NWD2: variants seen among roughly 807,000 people sequenced by gnomAD.
NWD2 encodes the protein NACHT and WD repeat domain-containing protein 2.
In NWD2, 37 loss-of-function variants were observed where a neutral mutation model predicts 132.7. The ratio of observed to expected loss-of-function variants is 0.28; its 90% CI spans 0.21 to 0.37. The LOEUF (loss-of-function observed/expected upper bound fraction) is 0.37, where lower values mean the gene tolerates loss of function less well. NWD2 is among the 10% of genes least tolerant of loss of function. NWD2 has a pLI of 1.00. For missense variants in NWD2, 1,592 were observed against 2,122.4 expected (o/e 0.75, Z 4.91); for synonymous variants, 705 against 803.0 (o/e 0.88, Z 2.06).
At chr4:37,420,787 G>A (rs1312454960) in intron 3 of NWD2, among the ~76,000 whole-genome samples, 1 of 152,150 alleles carries the variant, frequency 6.6e-6, no homozygotes, top group Non-Finnish European at 1.5e-5. Flanking sequence ...TGGGGCAGGG[G>A]CGGTTCCTGG....
intron 3 of NWD2, among the ~76,000 whole-genome samples, chr4:37,358,965 G>T (rs1429377920): frequency 6.6e-6 from 1 of 152,094 alleles, no homozygotes; most frequent in Non-Finnish European, 1.5e-5. Context: ...GCCAGATTTG[G>T]GAAGCATAAC....
rs1193727026 is a variant in NWD2, at chr4:37,446,847, C to G, written c.4859C>G (p.Thr1620Ser). ...GCTTGTTCCCTTTACAAAACACCAA[C>G]TTTCCTTGCACTCTCCCAGAGGCAC... is the stretch of plus-strand genomic sequence containing the variant. ...IGACSLYKTP[T>S]FLALSQRHLN... Residue 1620 changes from threonine to serine, a missense_variant, in exon 7 of 7, where the codon ACT becomes AGT. Coordinates refer to ENST00000309447, the MANE Select transcript of NWD2 (RefSeq NM_001144990.2). This position sits in a 1 kb window ranked among gnomAD's most constrained non-coding sequence, Gnocchi z 6.7. 7.1e-6 allele frequency: 11 copies of G among 1,551,736 alleles called. No individual in the cohort carries two copies. The highest frequency in any genetic ancestry group is 9.6e-6 in the Non-Finnish European group (11 of 1,147,044).
intron 3 of NWD2, among the ~76,000 whole-genome samples, chr4:37,390,802 A>G (rs1720666898): frequency 6.6e-6 from 1 of 152,170 alleles, no homozygotes; most frequent in Non-Finnish European, 1.5e-5. Context: ...ACCTTGACAG[A>G]TATTTTGGAG....
rs578259512 is a variant in NWD2, at chr4:37,308,810, C to T, written c.152-17126C>T. On this transcript the variant is annotated intron_variant, in intron 1 of 6. Coordinates refer to ENST00000309447, the MANE Select transcript of NWD2 (RefSeq NM_001144990.2). ...GGCAAAGTCAAAGGCAATGGAAGGC[C>T]CCAGCAAGCTGGTACTCAGGCTTCT... Among the ~76,000 whole-genome samples the T allele has an allele frequency of 3.3e-5, 5 of 152,112 alleles. No individual in the cohort carries two copies. The South Asian group carries it at 1.0e-3, about 32-fold the overall frequency.
chr4:37,339,976 G>T (rs763689549), intron 2 of NWD2, among the ~76,000 whole-genome samples: 2 of 147,360 alleles, frequency 1.4e-5, no homozygotes, highest in Non-Finnish European at 3.0e-5. Context: ...TTTCACTGAA[G>T]ATAATGGCCA....
intron 2 of NWD2, among the ~76,000 whole-genome samples, chr4:37,350,581 G>C (rs1719739907): frequency 6.6e-6 from 1 of 152,116 alleles, no homozygotes; most frequent in Non-Finnish European, 1.5e-5. Context: ...AGGAGTTTTT[G>C]GGCTGAGATG....
intron 2 of NWD2, among the ~76,000 whole-genome samples, chr4:37,332,043 C>T (rs1719303855): frequency 6.6e-6 from 1 of 152,174 alleles, no homozygotes; most frequent in African/African-American, 2.4e-5. Context: ...TGAGTTTCAG[C>T]AAGCCGTGCC....
At chr4:37,281,302 G>A (rs192046909) in intron 1 of NWD2, among the ~76,000 whole-genome samples, 184 of 152,194 alleles carry the variant, frequency 1.2e-3, no homozygotes, top group African/African-American at 4.2e-3. Context: ...TTTGAACCAC[G>A]CAAAGTGTTC....
chr4:37,416,223 A>G (rs1221942729), intron 3 of NWD2, among the ~76,000 whole-genome samples: 3 of 152,258 alleles, frequency 2.0e-5, no homozygotes, highest in Admixed American at 6.5e-5. Flanking sequence ...TGTGAGAACT[A>G]GGATCCACAG....
At position 37,335,101 on chromosome 4, in the gene NWD2, G is replaced by C. The variant is rs560490815; in HGVS notation, c.240+9077G>C. Reference sequence around the variant, plus strand: ...ATTTTTAAACACCAATCTGACCCTTGTCCACAAGATACAGTCTATGCTTCT... The same window carrying C: ...ATTTTTAAACACCAATCTGACCCTTCTCCACAAGATACAGTCTATGCTTCT... On this transcript the variant is annotated intron_variant, in intron 2 of 6. Transcript: ENST00000309447. Among the ~76,000 whole-genome samples, 5 of 152,068 alleles carry C rather than the reference G, an allele frequency of 3.3e-5. No homozygotes were observed. The South Asian group carries it at 1.0e-3, about 32-fold the overall frequency.
intron 3 of NWD2, among the ~76,000 whole-genome samples, chr4:37,385,785 TAGA>T (rs1720551292): frequency 6.6e-6 from 1 of 152,174 alleles, no homozygotes; most frequent in Non-Finnish European, 1.5e-5. Flanking sequence ...AATAGTATGA[TAGA>T]AATTAACTGG....
In NWD2 at chr4:37,346,536, A is replaced by C. The variant is rs142256271; in HGVS notation, c.241-9830A>C. On this transcript the variant is annotated intron_variant, in intron 2 of 6. Transcript: ENST00000309447. The stretch of plus-strand genomic sequence containing the variant: ...ATATGAACTTTAGGATTAGCTTGTC[A>C]ATTTCTGCAAATAAACCAACTAGGG... Among the ~76,000 whole-genome samples the C allele has an allele frequency of 1.2e-3, 178 of 152,210 alleles. 3 individuals are homozygous for C. In the East Asian group the frequency reaches 0.015, roughly 13 times the overall value.
intron 2 of NWD2, among the ~76,000 whole-genome samples, chr4:37,332,246 G>A (rs1468662387): frequency 6.6e-6 from 1 of 152,098 alleles, no homozygotes; most frequent in Non-Finnish European, 1.5e-5. Context: ...CCAACCCCAG[G>A]CAGTGCAGCT....
rs1363562176 is a variant in NWD2, at chr4:37,433,864, A to G, written c.562-12A>G. 6.6e-7 allele frequency: 1 copy of G among 1,514,260 alleles called. No homozygotes were observed. Among genetic ancestry groups the G allele is most frequent in the Non-Finnish European group, 8.8e-7 (1 of 1,132,158 alleles). 93.8% of individuals were successfully genotyped at this position (1,514,260 alleles called of 1,614,324 possible). A position where few individuals can be genotyped will look rare whatever the true frequency, so the allele number is the denominator to read the frequency against. Reference sequence around the variant, plus strand: ...ATTGTAAGACTAATTTCTCCCTTTTACATTTCTATAGATGCAGCCTTCTAC... The same window carrying G: ...ATTGTAAGACTAATTTCTCCCTTTTGCATTTCTATAGATGCAGCCTTCTAC... On this transcript the variant is annotated splice_polypyrimidine_tract_variant and intron_variant, in intron 4 of 6. Coordinates refer to ENST00000309447, the MANE Select transcript of NWD2 (RefSeq NM_001144990.2).
chr4:37,319,742 A>G (rs1381602524), intron 1 of NWD2, among the ~76,000 whole-genome samples: 1 of 152,126 alleles, frequency 6.6e-6, no homozygotes, highest in Non-Finnish European at 1.5e-5. Flanking sequence ...CCTTTCCCAC[A>G]TTGCTTATTT....
intron 1 of NWD2, among the ~76,000 whole-genome samples, chr4:37,297,334 T>G (rs1488434335): frequency 6.6e-6 from 1 of 152,210 alleles, no homozygotes. Context: ...TACTGTATTA[T>G]TTGTATTATT....
At chr4:37,394,799 G>GTTT (rs1175840735) in intron 3 of NWD2, among the ~76,000 whole-genome samples, 5,851 of 51,734 alleles carry the variant, frequency 0.11, 1,587 homozygotes, top group East Asian at 0.34. Flanking sequence ...AACCTTTATG[G>GTTT]TTTTTTTTTT....
At chr4:37,287,618 G>C (rs1577656204) in intron 1 of NWD2, among the ~76,000 whole-genome samples, 1 of 152,136 alleles carries the variant, frequency 6.6e-6, no homozygotes, top group Non-Finnish European at 1.5e-5. Flanking sequence ...TCTAGCCAGA[G>C]ACTCAGGGAC....
intron 6 of NWD2, among the ~76,000 whole-genome samples, chr4:37,440,296 C>A (rs1039014721): frequency 6.6e-6 from 1 of 152,146 alleles, no homozygotes; most frequent in Non-Finnish European, 1.5e-5. Flanking sequence ...CAAACAGAAA[C>A]CCTTGTCAGC....
Sources: allele counts gnomAD v4.1 joint callset (sites outside exome capture counted in the v4.1 genomes callset), GRCh38; gene constraint gnomAD v4.1.1; non-coding constraint Gnocchi (gnomAD v3.1); transcripts MANE v1.5; gene names NCBI Gene and HGNC (gene_info 2026-07-23, HGNC 2026-07-21).